KALRN: variants seen among roughly 807,000 people sequenced by gnomAD.
KALRN encodes the protein kalirin RhoGEF kinase.
KALRN carries 70 observed loss-of-function variants against 353.7 expected under a neutral mutation model. The observed-to-expected ratio is 0.20, with a 90% CI of 0.16 to 0.24. The LOEUF is 0.24. Ranked by LOEUF, KALRN falls within the 10% of genes least tolerant of loss-of-function variation. KALRN has a pLI of 1.00. For missense variants in KALRN, 2,791 were observed against 3,756.7 expected, an observed-to-expected ratio of 0.74 and a Z score of 6.72; for synonymous variants, 1,391 against 1,434.8, an observed-to-expected ratio of 0.97 and a Z score of 0.69.
chr3:124,225,981 T>G (rs537249518), intron 1 of KALRN, among the ~76,000 whole-genome samples: 1 of 152,304 alleles, frequency 6.6e-6, no homozygotes, highest in East Asian at 1.9e-4. Context: ...TATATTACAT[T>G]TTTTTCTATA....
chr3:124,514,035 T>C (rs1337566499), intron 33 of KALRN, among the ~76,000 whole-genome samples: 1 of 152,196 alleles, frequency 6.6e-6, no homozygotes, highest in Non-Finnish European at 1.5e-5. Context: ...AAATCAGTCC[T>C]TGAAAAGAGC....
intron 45 of KALRN, among the ~76,000 whole-genome samples, chr3:124,665,241 G>C (rs1401954141): frequency 1.3e-5 from 2 of 152,166 alleles, no homozygotes; most frequent in Non-Finnish European, 2.9e-5. Flanking sequence ...TCTGATGTCA[G>C]GGTCTTCTTG....
chr3:124,314,937 C>T (rs1412524244), intron 6 of KALRN, among the ~76,000 whole-genome samples: 26 of 152,170 alleles, frequency 1.7e-4, no homozygotes, highest in Non-Finnish European at 2.9e-5. Context: ...AGATGTGAGC[C>T]ACCATGCCCA....
intron 57 of KALRN, among the ~76,000 whole-genome samples, chr3:124,702,390 T>A (rs1471712936): frequency 2.0e-5 from 3 of 152,194 alleles, no homozygotes; most frequent in South Asian, 2.1e-4. Flanking sequence ...TAGCTATAGG[T>A]CCTGAGTTTT....
chr3:124,591,683 A>T (rs2075788538), intron 34 of KALRN, among the ~76,000 whole-genome samples: 1 of 131,682 alleles, frequency 7.6e-6, no homozygotes, highest in South Asian at 2.6e-4. Context: ...AAAGTGCTCT[A>T]AAAAAATTAG....
At chr3:124,358,761 C>T (rs1371532500) in intron 10 of KALRN, among the ~76,000 whole-genome samples, 4 of 152,298 alleles carry the variant, frequency 2.6e-5, no homozygotes, top group Middle Eastern at 3.4e-3. Flanking sequence ...TTCTAATTCT[C>T]ATTTATAGAT....
At chr3:124,522,140 A>G (rs974318565) in intron 33 of KALRN, among the ~76,000 whole-genome samples, 2 of 151,798 alleles carry the variant, frequency 1.3e-5, no homozygotes, top group East Asian at 1.9e-4. Context: ...TCAGTACATC[A>G]TTTTCTTTAT....
At chr3:124,203,734 C>T (rs994294518) in intron 1 of KALRN, among the ~76,000 whole-genome samples, 1 of 152,190 alleles carries the variant, frequency 6.6e-6, no homozygotes, top group African/African-American at 2.4e-5. Flanking sequence ...TCCCATTTTA[C>T]AGTTGAGGAT....
At chr3:124,113,706 G>A (rs2063203797) in intron 1 of KALRN, among the ~76,000 whole-genome samples, 1 of 152,226 alleles carries the variant, frequency 6.6e-6, no homozygotes, top group African/African-American at 2.4e-5. Flanking sequence ...CTCAGAGGGG[G>A]CAGGTGCCCT....
intron 1 of KALRN, among the ~76,000 whole-genome samples, chr3:124,199,976 C>A (rs554575819): frequency 6.6e-6 from 1 of 152,278 alleles, no homozygotes; most frequent in South Asian, 2.1e-4. Flanking sequence ...GGTTTTTCAA[C>A]CTTCTCTGGT....
At chr3:124,546,980 C>T (rs990258405) in intron 33 of KALRN, among the ~76,000 whole-genome samples, 5 of 152,112 alleles carry the variant, frequency 3.3e-5, no homozygotes, top group Middle Eastern at 3.4e-3. Flanking sequence ...AATGAATGAG[C>T]GAATGAATGA....
At chr3:124,035,876 G>A (rs1341818756) in intron 1 of KALRN, among the ~76,000 whole-genome samples, 1 of 152,142 alleles carries the variant, frequency 6.6e-6, no homozygotes, top group Non-Finnish European at 1.5e-5. Context: ...ATCAGAGAAA[G>A]GTTAAGTCAT....
chr3:124,413,816 G>A lies in KALRN; in HGVS notation c.2542+151G>A. 4.3e-6 allele frequency: 3 copies of A among 705,556 alleles called. No homozygotes were observed. In the South Asian group the frequency reaches 6.6e-5, roughly 15 times the overall value. 43.7% of individuals were successfully genotyped at this position (705,556 alleles called of 1,614,324 possible). A position where few individuals can be genotyped will look rare whatever the true frequency, so the allele number is the denominator to read the frequency against. On this transcript the variant is annotated intron_variant, in intron 14 of 59. Coordinates refer to ENST00000682506, the MANE Select transcript of KALRN (RefSeq NM_001388419.1). ...TTACCCACATTTTTTTTAAAAGAAA[G>A]GAAACGAGGCCAGGTGTGGTGGTTC...
intron 1 of KALRN, among the ~76,000 whole-genome samples, chr3:124,120,712 AT>A (rs1311469735): frequency 9.7e-3 from 65 of 6,684 alleles, no homozygotes; most frequent in Non-Finnish European, 0.031. Context: ...AATACTAAAA[AT>A]ATATATATAT....
chr3:124,452,248 A>G (rs1347329802), intron 21 of KALRN, among the ~76,000 whole-genome samples: 1 of 152,158 alleles, frequency 6.6e-6, no homozygotes, highest in Non-Finnish European at 1.5e-5. Context: ...TTTATCATCT[A>G]CTTCTTCCCA....
intron 1 of KALRN, among the ~76,000 whole-genome samples, chr3:124,144,137 C>T (rs1266504766): frequency 1.3e-5 from 2 of 152,124 alleles, no homozygotes; most frequent in African/African-American, 4.8e-5. Flanking sequence ...GTTGTAGCTT[C>T]ATGGAGTAGG....
intron 34 of KALRN, among the ~76,000 whole-genome samples, chr3:124,604,086 CA>C (rs1462587376): frequency 6.6e-6 from 1 of 151,626 alleles, no homozygotes; most frequent in African/African-American, 2.4e-5. Flanking sequence ...GTGGTAGACC[CA>C]AAACCCCCAC....
chr3:124,421,737 G>T (rs16835392), intron 14 of KALRN, among the ~76,000 whole-genome samples: 1 of 152,144 alleles, frequency 6.6e-6, no homozygotes, highest in Admixed American at 6.5e-5. Flanking sequence ...CTCCGAGTTC[G>T]TTCATTTCTG....
At chr3:124,119,750 C>T (rs980789671) in intron 1 of KALRN, among the ~76,000 whole-genome samples, 51 of 152,314 alleles carry the variant, frequency 3.3e-4, no homozygotes, top group African/African-American at 1.2e-3. Flanking sequence ...TCCTGGGGCA[C>T]TTTCTAATTT....
Sources: gnomAD v4.1 joint callset for allele counts (sites outside exome capture counted in the v4.1 genomes callset) on GRCh38, gnomAD v4.1.1 for gene constraint, MANE v1.5 for transcripts, NCBI Gene and HGNC (gene_info 2026-07-23, HGNC 2026-07-21) for gene names.